Variants in SPIDR observed in about 807,000 individuals in gnomAD.
SPIDR encodes the protein scaffold protein involved in DNA repair, also known as DNA repair-scaffolding protein.
A neutral mutation model predicts 104.6 loss-of-function variants in SPIDR; 93 were observed. The ratio of observed to expected loss-of-function variants is 0.89; its 90% CI spans 0.75 to 1.06. SPIDR has a LOEUF of 1.06. SPIDR is among the 50% of genes least tolerant of loss of function. The pLI, the probability that SPIDR is intolerant of heterozygous loss-of-function variation, is 0.00. For synonymous variants in SPIDR, 431 were observed against 416.9 expected (o/e 1.03, Z -0.41); for missense variants, 1,154 against 1,111.2 (o/e 1.04, Z -0.55).
At position 47,654,061 on chromosome 8, in the gene SPIDR, A is replaced by G. The variant is rs1441434750; in HGVS notation, c.1545-19740A>G. 5.4e-6 allele frequency: 7 copies of G among 1,289,534 alleles called. No homozygotes were observed. The South Asian group carries it at 8.6e-5, about 16-fold the overall frequency. 79.9% of individuals were successfully genotyped at this position (1,289,534 alleles called of 1,614,324 possible). A position where few individuals can be genotyped will look rare whatever the true frequency, so the allele number is the denominator to read the frequency against. ...GAGCCAAGACAGATAGGGGCGTGGT[A>G]GCAGCATCTTGATCTTCTTAGGCCC... On this transcript the variant is annotated intron_variant, in intron 10 of 19. Transcript: ENST00000297423.
rs142157159 is a variant in SPIDR, at chr8:47,431,457, A to G, written c.878-8866A>G. ...TTTGTATGCTTTATTCTCACGTGGA[A>G]TTTCTTTTAAAATTGGACATTTCAT... On this transcript the variant is annotated intron_variant, in intron 7 of 19. Coordinates refer to ENST00000297423, the MANE Select transcript of SPIDR (RefSeq NM_001080394.4). Among the ~76,000 whole-genome samples, 22 of 152,228 alleles carry G rather than the reference A, an allele frequency of 1.4e-4. No homozygotes were observed. The East Asian group carries it at 4.3e-3, about 29-fold the overall frequency.
At chr8:47,574,637 T>C (rs929409812) in intron 8 of SPIDR, among the ~76,000 whole-genome samples, 5 of 151,854 alleles carry the variant, frequency 3.3e-5, no homozygotes, top group Non-Finnish European at 4.4e-5. Flanking sequence ...AAAACAAAAA[T>C]TACTTGGGCG....
chr8:47,524,377 T>A (rs988319053), intron 8 of SPIDR, among the ~76,000 whole-genome samples: 2 of 152,198 alleles, frequency 1.3e-5, no homozygotes, highest in African/African-American at 4.8e-5. Context: ...ACATCCAGAT[T>A]AAAATGTGTG....
rs546831181 is a variant in SPIDR at position 47,511,523 on chromosome 8, G to A, written c.1097+70981G>A. ...CTTCTGTGGATAGACTCCAGAAACT[G>A]GGCATCGGATGGGTCTCAGTAGCTT... On this transcript the variant is annotated intron_variant, in intron 8 of 19. Coordinates refer to ENST00000297423, the MANE Select transcript of SPIDR (RefSeq NM_001080394.4). The A allele has an allele frequency of 3.8e-6, 3 of 781,938 alleles. No individual in the cohort carries two copies. The Admixed American group carries it at 5.1e-5, about 13-fold the overall frequency. 48.4% of individuals were successfully genotyped at this position (781,938 alleles called of 1,614,324 possible).
intron 8 of SPIDR, among the ~76,000 whole-genome samples, chr8:47,495,848 C>T (rs2079367871): frequency 6.6e-6 from 1 of 152,086 alleles, no homozygotes; most frequent in South Asian, 2.1e-4. Flanking sequence ...ACTGTAAGTT[C>T]AAGGATCAAT....
At chr8:47,366,935 G>A (rs1477343088) in intron 5 of SPIDR, among the ~76,000 whole-genome samples, 2 of 152,158 alleles carry the variant, frequency 1.3e-5, no homozygotes, top group African/African-American at 2.4e-5. Flanking sequence ...GTAAATTGTG[G>A]TAGGTAGAAT....
intron 1 of SPIDR, among the ~76,000 whole-genome samples, chr8:47,274,351 C>T (rs2035936686): frequency 6.6e-6 from 1 of 152,064 alleles, no homozygotes; most frequent in South Asian, 2.1e-4. Flanking sequence ...CATTGTTCTC[C>T]ATCTCCCTGT....
intron 17 of SPIDR, 82 bp from the exon 18 acceptor site, chr8:47,728,849 ATG>A (rs1186422783): frequency 4.1e-6 from 6 of 1,473,324 alleles, no homozygotes. Flanking sequence ...GCAGACACTC[ATG>A]TTTAAGAAAA....
chr8:47,486,203 A>G (rs371813945), intron 8 of SPIDR, among the ~76,000 whole-genome samples: 2 of 152,260 alleles, frequency 1.3e-5, no homozygotes, highest in African/African-American at 4.8e-5. Context: ...CTATGTGACA[A>G]ATGCACAAGC....
chr8:47,513,495 T>C (rs530549454), intron 8 of SPIDR, among the ~76,000 whole-genome samples: 1 of 152,370 alleles, frequency 6.6e-6, no homozygotes, highest in East Asian at 1.9e-4. Context: ...CATTTTGATA[T>C]AACAGCAGTT....
chr8:47,435,692 G>T (rs1042862876), intron 7 of SPIDR, among the ~76,000 whole-genome samples: 2 of 152,150 alleles, frequency 1.3e-5, no homozygotes, highest in African/African-American at 2.4e-5. Flanking sequence ...TGCAAGTTCT[G>T]TTGAAACCCT....
intron 11 of SPIDR, among the ~76,000 whole-genome samples, chr8:47,694,645 C>T (rs2079092170): frequency 6.6e-6 from 1 of 152,084 alleles, no homozygotes; most frequent in Non-Finnish European, 1.5e-5. Context: ...GTGGTGCACA[C>T]CTGTAGTCCC....
intron 10 of SPIDR, among the ~76,000 whole-genome samples, chr8:47,661,694 G>C (rs953037842): frequency 6.6e-6 from 1 of 152,158 alleles, no homozygotes; most frequent in African/African-American, 2.4e-5. Context: ...CCTCAACTTG[G>C]GTGCTGGTGC....
At chr8:47,379,677 A>G (rs1791504236) in intron 5 of SPIDR, among the ~76,000 whole-genome samples, 1 of 152,210 alleles carries the variant, frequency 6.6e-6, no homozygotes, top group African/African-American at 2.4e-5. Flanking sequence ...GACTCCTCGT[A>G]GAGGGCACAG....
intron 8 of SPIDR, among the ~76,000 whole-genome samples, chr8:47,464,847 C>T (rs2074518551): frequency 1.3e-5 from 2 of 152,148 alleles, no homozygotes; most frequent in Admixed American, 6.5e-5. Flanking sequence ...TGCCTCACTG[C>T]AACCTCAGCC....
intron 8 of SPIDR, among the ~76,000 whole-genome samples, chr8:47,497,480 G>A (rs2079626486): frequency 6.6e-6 from 1 of 152,114 alleles, no homozygotes; most frequent in Admixed American, 6.6e-5. Flanking sequence ...TTAGGGGTGT[G>A]TCATTTAAGT....
At chr8:47,382,276 G>C (rs1365296583) in intron 5 of SPIDR, among the ~76,000 whole-genome samples, 4 of 152,100 alleles carry the variant, frequency 2.6e-5, no homozygotes, top group African/African-American at 9.7e-5. Flanking sequence ...AGCACTTCAG[G>C]TATTCAGGGC....
intron 8 of SPIDR, among the ~76,000 whole-genome samples, chr8:47,484,259 G>A (rs2077243520): frequency 6.6e-6 from 1 of 152,234 alleles, no homozygotes; most frequent in African/African-American, 2.4e-5. Flanking sequence ...AATGAAAATA[G>A]TAACTTTTGA....
intron 3 of SPIDR, 58 bp downstream of exon 3, chr8:47,284,152 G>T: frequency 7.1e-7 from 1 of 1,416,426 alleles, no homozygotes. Flanking sequence ...ATCCTTCTGT[G>T]ATTATTTTAA....
Sources: gnomAD v4.1 joint callset for allele counts (sites outside exome capture counted in the v4.1 genomes callset) on GRCh38, gnomAD v4.1.1 for gene constraint, MANE v1.5 for transcripts, NCBI Gene and HGNC (gene_info 2026-07-23, HGNC 2026-07-21) for gene names.